Variants in DNAH8 observed in about 807,000 individuals in gnomAD.
DNAH8 encodes dynein axonemal heavy chain 8.
DNAH8 carries 382 observed loss-of-function variants against 562.1 expected under a neutral mutation model. That is an observed-to-expected ratio of 0.68 (90% CI 0.63 to 0.74). The LOEUF (loss-of-function observed/expected upper bound fraction) is 0.74. DNAH8 is among the 30% of genes least tolerant of loss of function. The pLI is 0.00. For missense variants in DNAH8, 5,203 were observed against 5,620.4 expected (o/e 0.93, Z 2.37); for synonymous variants, 1,881 against 1,919.4 (o/e 0.98, Z 0.52).
In DNAH8 at chr6:38,741,787, G is replaced by T. The variant is rs1051264232; in HGVS notation, c.1193G>T (p.Arg398Leu). Residue 398 changes from arginine (R) to leucine (L), a missense_variant, in exon 8 of 93, where the codon CGC becomes CTC. Transcript: ENST00000327475. ...GPLTELEHWKRMSAKFNYIIE... is the reference protein window; with the variant it reads ...GPLTELEHWKLMSAKFNYIIE... ...CTCACTGAATTGGAACACTGGAAACGCATGTCAGCCAAGTTCAACTATATC... is the reference window on the plus strand; with the variant it reads ...CTCACTGAATTGGAACACTGGAAACTCATGTCAGCCAAGTTCAACTATATC... The T allele has an allele frequency of 1.2e-6, 2 of 1,614,010 alleles. No homozygotes were observed. The highest frequency in any genetic ancestry group is 4.5e-5 in the East Asian group (2 of 44,858).
intron 82 of DNAH8, among the ~76,000 whole-genome samples, chr6:38,953,810 T>A (rs1233758750): frequency 6.6e-6 from 1 of 151,978 alleles, no homozygotes; most frequent in African/African-American, 2.4e-5. Flanking sequence ...ATGCTTCAGG[T>A]GAATGTGACT....
intron 41 of DNAH8, among the ~76,000 whole-genome samples, chr6:38,857,277 T>C (rs1697200045): frequency 6.6e-6 from 1 of 152,226 alleles, no homozygotes; most frequent in Non-Finnish European, 1.5e-5. Context: ...CCTAACCATC[T>C]TCTATAACAC....
intron 10 of DNAH8, among the ~76,000 whole-genome samples, chr6:38,761,441 GT>G (rs149254080): frequency 8.1e-5 from 12 of 148,596 alleles, no homozygotes; most frequent in African/African-American, 2.5e-4. Flanking sequence ...AAGTTCTCTA[GT>G]TTTTTTTTAA....
At chr6:38,775,426 G>A (rs946448355) in intron 12 of DNAH8, among the ~76,000 whole-genome samples, 12 of 152,198 alleles carry the variant, frequency 7.9e-5, no homozygotes, top group Non-Finnish European at 1.3e-4. Flanking sequence ...CCAGTGAAAT[G>A]ATTTTCAGAA....
Position 38,875,646 on chromosome 6 carries a change from G to A in DNAH8, c.7676G>A (p.Cys2559Tyr). The change falls in exon 53 of 93, where the codon TGT (cysteine) becomes TAT (tyrosine). Residue 2559 changes from cysteine to tyrosine, a missense_variant. Around this residue, in one of 6 missense-constraint regions of DNAH8, gnomAD observed 977 missense variants for 1,061.8 expected, o/e 0.92. Transcript: ENST00000327475. ...TCCAAAGAAGAAGGCGGTGTTTCCTGTGTCGAACATCTTCATAAATTATTT... is the reference window on the plus strand; with the variant it reads ...TCCAAAGAAGAAGGCGGTGTTTCCTATGTCGAACATCTTCATAAATTATTT... ...IPSKEEGGVS[C>Y]VEHLHKLFVF... 6.2e-7 allele frequency: 1 copy of A among 1,613,680 alleles called. No individual in the cohort carries two copies. Among genetic ancestry groups the A allele is most frequent in the African/African-American group, 1.3e-5 (1 of 75,010 alleles).
chr6:38,900,628 T>TG (rs1167624248), intron 62 of DNAH8, among the ~76,000 whole-genome samples: 1 of 152,112 alleles, frequency 6.6e-6, no homozygotes, highest in Non-Finnish European at 1.5e-5. Flanking sequence ...AAATCTTTTT[T>TG]TTTTTTTGAA....
At chr6:38,757,698 A>T (rs551744867) in intron 10 of DNAH8, among the ~76,000 whole-genome samples, 2 of 152,188 alleles carry the variant, frequency 1.3e-5, no homozygotes, top group African/African-American at 4.8e-5. Context: ...TAATTTTTGT[A>T]TAAGGTGTAA....
Position 38,925,286 on chromosome 6 carries a change from A to ATTATTTTATTTTATTTTATTTTATT in DNAH8, c.10963-731_10963-707dup, listed in dbSNP as rs72056166. Among the ~76,000 whole-genome samples, 4 of 129,942 alleles carry ATTATTTTATTTTATTTTATTTTATT rather than the reference A, an allele frequency of 3.1e-5. No individual in the cohort carries two copies. In the East Asian group the frequency reaches 9.1e-4, roughly 30 times the overall value. The allele number at this position is 129,942 out of a possible 152,430, so 85.2% of individuals were successfully genotyped here. A position where few individuals can be genotyped will look rare whatever the true frequency, so the allele number is the denominator to read the frequency against. ...GGCTGGTTGGCTCATTGGATCTCTG[A>ATTATTTTATTTTATTTTATTTTATT]TTATTTTATTTTATTTTATTTTATT... On this transcript the variant is annotated intron_variant, in intron 73 of 92. Transcript: ENST00000327475.
In DNAH8 at chr6:38,866,814, G is replaced by T. The variant is rs375364078; in HGVS notation, c.6631G>T (p.Val2211Phe). 1.2e-6 allele frequency: 2 copies of T among 1,613,310 alleles called. No individual in the cohort carries two copies. Among genetic ancestry groups the T allele is most frequent in the Non-Finnish European group, 1.7e-6 (2 of 1,179,712 alleles). Residue 2211 changes from valine (V) to phenylalanine (F), a missense_variant, in exon 47 of 93, where the codon GTT becomes TTT. Transcript: ENST00000327475. ...TGCAAGCTGTGGTTTTCTTGAAAAT[G>T]TTATCTTGGCTCAAAAATTTTACGT... ...KLASCGFLEN[V>F]ILAQKFYVLY...
intron 88 of DNAH8, among the ~76,000 whole-genome samples, chr6:38,997,601 TGA>T (rs1765223652): frequency 1.3e-5 from 2 of 152,134 alleles, no homozygotes; most frequent in African/African-American, 4.8e-5. Context: ...GTGAAAGATT[TGA>T]ATGCATGTGT....
intron 83 of DNAH8, 81 bp downstream of exon 83, chr6:38,971,746 G>A: frequency 9.0e-7 from 1 of 1,107,188 alleles, no homozygotes; most frequent in Non-Finnish European, 1.3e-6. Flanking sequence ...TTCTTCTCGT[G>A]ATGCTCAATC....
intron 29 of DNAH8, among the ~76,000 whole-genome samples, chr6:38,827,340 G>A (rs1057467993): frequency 6.6e-6 from 1 of 152,154 alleles, no homozygotes; most frequent in Non-Finnish European, 1.5e-5. Context: ...GACTTGGATA[G>A]CCTTGGTGAG....
intron 79 of DNAH8, among the ~76,000 whole-genome samples, chr6:38,941,316 C>T (rs1783437338): frequency 6.6e-6 from 1 of 152,152 alleles, no homozygotes; most frequent in Non-Finnish European, 1.5e-5. Context: ...CGGGCAGTCA[C>T]CGATAACTTC....
rs1208069295 is a variant in DNAH8, at chr6:38,737,861, T to C, written c.1005T>C (p.Val335=). 1 of 1,587,758 alleles carries C rather than the reference T, an allele frequency of 6.3e-7. No homozygotes were observed. Among genetic ancestry groups the C allele is most frequent in the Non-Finnish European group, 8.5e-7 (1 of 1,170,090 alleles). ...GTVKLKTIDN[V]NFSKLHTFEE... is the part of the protein sequence containing the mutation. ...TGAAGTTAAAGACAATAGACAATGT[T>C]AATTTTTCCAAACTGCACACCTTTG... Residue 335 remains valine, a synonymous_variant, in exon 7 of 93, where the codon GTT becomes GTC. Transcript: ENST00000327475.
chr6:39,022,829 T>G (rs1561985771), intron 91 of DNAH8, among the ~76,000 whole-genome samples: 1 of 152,238 alleles, frequency 6.6e-6, no homozygotes, highest in Non-Finnish European at 1.5e-5. Flanking sequence ...CATCCCACCC[T>G]GCACTGTGGG....
chr6:38,893,472 C>T (rs188224979), intron 58 of DNAH8, among the ~76,000 whole-genome samples: 1 of 152,228 alleles, frequency 6.6e-6, no homozygotes, highest in East Asian at 1.9e-4. Flanking sequence ...GCCTCAGTTA[C>T]CAATGGCTGC....
chr6:38,882,887 A>G (rs774351579), intron 53 of DNAH8, 23 bp from the exon 54 acceptor site: 2 of 1,491,690 alleles, frequency 1.3e-6, no homozygotes, highest in Non-Finnish European at 1.8e-6. Flanking sequence ...TTCTATTAAG[A>G]TGAAATTTTA....
intron 3 of DNAH8, among the ~76,000 whole-genome samples, chr6:38,725,425 G>A (rs1763139546): frequency 6.6e-6 from 1 of 152,024 alleles, no homozygotes; most frequent in Non-Finnish European, 1.5e-5. Flanking sequence ...TTATAAGAAT[G>A]TGGTCCTGGC....
At chr6:38,982,007 C>T (rs191659325) in intron 85 of DNAH8, among the ~76,000 whole-genome samples, 13 of 152,238 alleles carry the variant, frequency 8.5e-5, no homozygotes, top group African/African-American at 3.1e-4. Flanking sequence ...CATTGTGTTA[C>T]AGTTGCCTGC....
Sources: allele counts gnomAD v4.1 joint callset (sites outside exome capture counted in the v4.1 genomes callset), GRCh38; gene constraint gnomAD v4.1.1; regional missense constraint gnomAD v4.1.1; transcripts MANE v1.5; gene names NCBI Gene and HGNC (gene_info 2026-07-23, HGNC 2026-07-21).